GALNT6: variants seen among roughly 807,000 people sequenced by gnomAD.
GALNT6 encodes the protein GalNAc transferase 6.
In GALNT6, 51 loss-of-function variants were observed where a neutral mutation model predicts 65.9. The ratio of observed to expected loss-of-function variants is 0.77; its 90% CI spans 0.62 to 0.98. The LOEUF is 0.98. Ranked by LOEUF, GALNT6 falls within the 50% of genes least tolerant of loss-of-function variation. The probability of loss-of-function intolerance (pLI) is 0.00; values close to 1 mark genes in which losing one functional copy is unlikely to be tolerated. For missense variants in GALNT6, 708 were observed against 803.3 expected (o/e 0.88, Z 1.43); for synonymous variants, 323 against 315.1 (o/e 1.02, Z -0.26).
At chr12:51,373,965 T>C (rs986354038) in intron 4 of GALNT6, among the ~76,000 whole-genome samples, 3 of 152,204 alleles carry the variant, frequency 2.0e-5, no homozygotes, top group Non-Finnish European at 4.4e-5. Flanking sequence ...GCTCAAGCAA[T>C]CCTTCCACCT....
chr12:51,383,632 C>G (rs528244151), intron 2 of GALNT6: 5 of 152,366 alleles, frequency 3.3e-5, no homozygotes, highest in African/African-American at 1.2e-4. Flanking sequence ...GGCATCTAAT[C>G]TCTCAATCCC....
intron 10 of GALNT6, 35 bp downstream of exon 10, chr12:51,357,314 A>G: frequency 7.5e-7 from 1 of 1,324,792 alleles, no homozygotes; most frequent in Non-Finnish European, 1.1e-6. Flanking sequence ...GCCGGTGAGG[A>G]GAGGAGATGC....
Position 51,359,237 on chromosome 12 carries a change from A to G in GALNT6, c.1263T>C (p.Thr421=), listed in dbSNP as rs150195846. Residue 421 remains threonine (T), a synonymous_variant, in exon 8 of 12, where the codon ACT becomes ACC. Coordinates refer to ENST00000356317, the MANE Select transcript of GALNT6 (RefSeq NM_007210.4). ...TKSPHTFPKG[T]SVIARNQVRL... The stretch of plus-strand genomic sequence containing the variant: ...GCACTTGATTGCGAGCAATGACACT[A>G]GTGCCCTTGGGGAAGGTGTGGGGGC... The G allele has an allele frequency of 1.2e-6, 2 of 1,614,040 alleles. No individual in the cohort carries two copies. The highest frequency in any genetic ancestry group is 1.7e-6 in the Non-Finnish European group (2 of 1,179,910).
intron 4 of GALNT6, among the ~76,000 whole-genome samples, chr12:51,376,912 C>T (rs1282820868): frequency 6.6e-6 from 1 of 152,164 alleles, no homozygotes; most frequent in East Asian, 1.9e-4. Context: ...TACCCTCTGC[C>T]CTGTCTCTCC....
chr12:51,354,253 G>T lies in GALNT6; in HGVS notation c.*126C>A. ...GCAAGGATTAGGAAGGTCCTGCCTT[G>T]CCACCCAGTGGGTTTAGAAATCCAT... is the stretch of plus-strand genomic sequence containing the variant. On this transcript the variant is annotated 3_prime_UTR_variant, in exon 12 of 12. Coordinates refer to ENST00000356317, the MANE Select transcript of GALNT6 (RefSeq NM_007210.4). 1.8e-6 allele frequency: 1 copy of T among 569,404 alleles called. No homozygotes were observed. The allele number at this position is 569,404 out of a possible 1,614,324, so 35.3% of individuals were successfully genotyped here.
Position 51,379,810 on chromosome 12 carries a change from C to T in GALNT6, c.-29G>A, listed in dbSNP as rs367713908. 4.6e-5 allele frequency: 72 copies of T among 1,577,586 alleles called. No individual in the cohort carries two copies. The highest frequency in any genetic ancestry group is 3.6e-4 in the African/African-American group (27 of 74,282). On this transcript the variant is annotated 5_prime_UTR_variant, in exon 3 of 12. Transcript: ENST00000356317. Reference sequence around the variant, plus strand: ...CCAGAACCAAGGGGCACCCCAGCTGCGTCAGCTCTGAGTCCTGAGCCCAAC... The same window carrying T: ...CCAGAACCAAGGGGCACCCCAGCTGTGTCAGCTCTGAGTCCTGAGCCCAAC...
chr12:51,352,697 G>C lies in GALNT6; in HGVS notation c.*1682C>G, dbSNP rs1946644483. On this transcript the variant is annotated 3_prime_UTR_variant, in exon 12 of 12. Coordinates refer to ENST00000356317, the MANE Select transcript of GALNT6 (RefSeq NM_007210.4). ...TTCCTTTCTTTTTTTTGGAGATGGA[G>C]TTTTGCTCTTGTTGCCTAGGCTGGA... The C allele has an allele frequency of 2.0e-5, 3 of 152,162 alleles. No homozygotes were observed. The highest frequency in any genetic ancestry group is 1.3e-4 in the Admixed American group (2 of 15,270). The allele number at this position is 152,162 out of a possible 1,614,324, so 9.4% of individuals were successfully genotyped here.
intron 4 of GALNT6, among the ~76,000 whole-genome samples, chr12:51,372,866 C>T (rs571361488): frequency 6.6e-6 from 1 of 152,342 alleles, no homozygotes; most frequent in East Asian, 1.9e-4. Flanking sequence ...CCTCTTGCAT[C>T]AGCGTGACCT....
chr12:51,384,368 T>C (rs1947762242), intron 2 of GALNT6, among the ~76,000 whole-genome samples: 1 of 152,154 alleles, frequency 6.6e-6, no homozygotes, highest in Non-Finnish European at 1.5e-5. Context: ...ATTCAGAGTG[T>C]TGCAAATTAG....
chr12:51,357,393 T>A lies in GALNT6; in HGVS notation c.1558A>T (p.Lys520Ter), dbSNP rs1338745531. Residue 520 changes from lysine to a stop codon, truncating the protein, a stop_gained, in exon 10 of 12, where the codon AAG becomes TAG. Coordinates refer to ENST00000356317, the MANE Select transcript of GALNT6 (RefSeq NM_007210.4). LOFTEE classifies it high-confidence loss of function. ...TGGCAGGAGTACATGATGAGGGGCT[T>A]CCCCCCGCGGTTGTTCTCACCCACA... ...LDVGENNRGGKPLIMYSCHGL... is the reference protein window; with the variant it reads ...LDVGENNRGG 1 of 1,613,624 alleles carries A rather than the reference T, an allele frequency of 6.2e-7. No homozygotes were observed. The highest frequency in any genetic ancestry group is 1.3e-5 in the African/African-American group (1 of 74,774).
intron 3 of GALNT6, 94 bp from the exon 4 acceptor site, chr12:51,377,461 C>G: frequency 1.0e-6 from 1 of 988,934 alleles, no homozygotes; most frequent in East Asian, 2.6e-5. Flanking sequence ...AGACCATCCT[C>G]CACTCCTCTG....
Position 51,379,772 on chromosome 12 carries a change from G to C in GALNT6, c.10C>G (p.Leu4Val), listed in dbSNP as rs771166381. Residue 4 changes from leucine (L) to valine (V), a missense_variant, in exon 3 of 12, where the codon CTC (leucine) becomes GTC (valine). Coordinates refer to ENST00000356317, the MANE Select transcript of GALNT6 (RefSeq NM_007210.4). MRL[L>V]RRRHMPLRLA... ...CGCAGGGGCATGTGGCGTCTGCGGA[G>C]GAGCCTCATCCTCCAGAACCAAGGG... The C allele has an allele frequency of 6.2e-7, 1 of 1,605,332 alleles. No individual in the cohort carries two copies. The highest frequency in any genetic ancestry group is 2.2e-5 in the East Asian group (1 of 44,824).
intron 4 of GALNT6, among the ~76,000 whole-genome samples, chr12:51,367,075 C>T (rs1947131672): frequency 6.6e-6 from 1 of 152,052 alleles, no homozygotes; most frequent in African/African-American, 2.4e-5. Context: ...ACCAGCCTGA[C>T]CAACATGGAG....
intron 4 of GALNT6, among the ~76,000 whole-genome samples, chr12:51,372,411 G>A (rs1191824662): frequency 1.3e-5 from 2 of 152,110 alleles, no homozygotes; most frequent in Admixed American, 1.3e-4. Flanking sequence ...GTCTTACTAT[G>A]TTGCCCAGGA....
Position 51,353,542 on chromosome 12 carries a change from G to C in GALNT6, c.*837C>G, listed in dbSNP as rs536346458. On this transcript the variant is annotated 3_prime_UTR_variant, in exon 12 of 12. Transcript: ENST00000356317. ...GTGCCATCATGCCCAGCTAATTTTT[G>C]TACTTTTAGTAGAGATGGAGTTTCA... The C allele has an allele frequency of 2.0e-5, 3 of 151,796 alleles. No individual in the cohort carries two copies. Among genetic ancestry groups the C allele is most frequent in the African/African-American group, 7.3e-5 (3 of 41,372 alleles). The allele number at this position is 151,796 out of a possible 1,614,324, so 9.4% of individuals were successfully genotyped here.
intron 6 of GALNT6, among the ~76,000 whole-genome samples, chr12:51,362,516 C>T (rs1333167927): frequency 6.6e-6 from 1 of 152,088 alleles, no homozygotes; most frequent in African/African-American, 2.4e-5. Flanking sequence ...ATTCCTCAAA[C>T]ACTGGAGCTT....
intron 4 of GALNT6, among the ~76,000 whole-genome samples, chr12:51,369,239 G>A (rs974062372): frequency 2.0e-5 from 3 of 152,198 alleles, no homozygotes; most frequent in Admixed American, 6.5e-5. Flanking sequence ...CTTCTCCCAC[G>A]CCTTCCTTCC....
chr12:51,359,318 C>T lies in GALNT6; in HGVS notation c.1182G>A (p.Gly394=), dbSNP rs1284867865. ...VEMSFRVWQC[G]GQLEIIPCSV... is the part of the protein sequence containing the mutation. ...AGCAGGGGATGATCTCCAGCTGGCC[C>T]CCACACTGCCACACCTGATGTAAGA... The change falls in exon 8 of 12, where the codon GGG becomes GGA. Residue 394 remains glycine (G), a synonymous_variant. Coordinates refer to ENST00000356317, the MANE Select transcript of GALNT6 (RefSeq NM_007210.4). The T allele has an allele frequency of 3.1e-5, 50 of 1,610,868 alleles. No homozygotes were observed. The highest frequency in any genetic ancestry group is 4.1e-5 in the Non-Finnish European group (48 of 1,178,378).
At chr12:51,369,424 T>C (rs747384806) in intron 4 of GALNT6, among the ~76,000 whole-genome samples, 1 of 152,094 alleles carries the variant, frequency 6.6e-6, no homozygotes, top group Non-Finnish European at 1.5e-5. Context: ...TGAGCATAGC[T>C]GTACCGGTGA....
Sources: allele counts gnomAD v4.1 joint callset (sites outside exome capture counted in the v4.1 genomes callset), GRCh38; gene constraint gnomAD v4.1.1; transcripts MANE v1.5; gene names NCBI Gene and HGNC (gene_info 2026-07-23, HGNC 2026-07-21).